The following THEM5 variants were observed in gnomAD, a reference collection of about 807,000 sequenced individuals.
THEM5 encodes thioesterase superfamily member 5, also known as acyl-coenzyme A thioesterase THEM5.
A neutral mutation model predicts 24.2 loss-of-function variants in THEM5; 28 were observed. The ratio of observed to expected loss-of-function variants is 1.16; its 90% confidence interval spans 0.86 to 1.59. The LOEUF is 1.59. THEM5 is among the 40% of genes most tolerant of loss of function. The pLI is 0.00. For missense variants in THEM5, 260 were observed against 296.8 expected (o/e 0.88, Z 0.91); for synonymous variants, 87 against 114.5 (o/e 0.76, Z 1.53).
At chr1:151,853,375 T>G in intron 1 of THEM5, 68 bp downstream of exon 1, 1 of 1,546,100 alleles carries the variant, frequency 6.5e-7, no homozygotes, top group Non-Finnish European at 8.7e-7. Context: ...GAAGAGGAGA[T>G]TTGGGGTGCT....
chr1:151,847,614 C>A, intron 5 of THEM5, 124 bp downstream of exon 5: 1 of 1,443,122 alleles, frequency 6.9e-7, no homozygotes, highest in East Asian at 2.3e-5. Flanking sequence ...GGTGCCCTAT[C>A]CCACCCCTAA....
intron 2 of THEM5, 106 bp from the exon 3 acceptor site, chr1:151,851,297 C>G: frequency 7.0e-7 from 1 of 1,428,276 alleles, no homozygotes; most frequent in East Asian, 2.3e-5. Context: ...GGAGAGAAAA[C>G]CAGAGGACAC....
chr1:151,849,824 A>G (rs546947330), intron 3 of THEM5, among the ~76,000 whole-genome samples: 1 of 151,182 alleles, frequency 6.6e-6, no homozygotes, highest in Middle Eastern at 3.4e-3. Flanking sequence ...CCTCCTTCCC[A>G]CTCCCCATGG....
Position 151,852,310 on chromosome 1 carries a change from G to A in THEM5, c.273C>T (p.Asn91=). The part of the protein sequence containing the change: ...GWIKLPSFKS[N]RDHIRGLKLP... ...GCTTGAGTCCCCGGATGTGGTCTCT[G>A]TTGGACTTGAAGGAGGGCAGCTTGA... The change falls in exon 2 of 6, where the codon AAC becomes AAT. Residue 91 remains asparagine (N), a synonymous_variant. Coordinates refer to ENST00000368817, the MANE Select transcript of THEM5 (RefSeq NM_182578.4). 6.2e-7 allele frequency: 1 copy of A among 1,614,158 alleles called. No individual in the cohort carries two copies. Among genetic ancestry groups the A allele is most frequent in the South Asian group, 1.1e-5 (1 of 91,076 alleles).
intron 1 of THEM5, among the ~76,000 whole-genome samples, chr1:151,852,891 G>A (rs893200281): frequency 4.6e-5 from 7 of 152,178 alleles, no homozygotes; most frequent in Admixed American, 2.0e-4. Context: ...TGCAGGGCAG[G>A]GTCACAGTTG....
At chr1:151,852,568 T>C (rs1190817893) in intron 1 of THEM5, 109 bp from the exon 2 acceptor site, 1 of 1,016,720 alleles carries the variant, frequency 9.8e-7, no homozygotes, top group South Asian at 1.4e-5. Context: ...CTCAATCCCT[T>C]CTGCCAGAGT....
intron 2 of THEM5, 27 bp from the exon 3 acceptor site, chr1:151,851,218 C>T (rs201026466): frequency 6.2e-7 from 1 of 1,613,820 alleles, no homozygotes; most frequent in South Asian, 1.1e-5. Flanking sequence ...AGTGTTGCAG[C>T]CGGAGAAGGG....
Position 151,852,289 on chromosome 1 carries a change from G to A in THEM5, c.294C>T (p.Leu98=), listed in dbSNP as rs1558181681. ...AAACTGCCAGTCCAGATGGGAGCTT[G>A]AGTCCCCGGATGTGGTCTCTGTTGG... ...FKSNRDHIRG[L]KLPSGLAVSS... Residue 98 remains leucine, a synonymous_variant, in exon 2 of 6, where the codon CTC becomes CTT. Transcript: ENST00000368817. 1 of 1,613,938 alleles carries A rather than the reference G, an allele frequency of 6.2e-7. No individual in the cohort carries two copies. Among genetic ancestry groups the A allele is most frequent in the Non-Finnish European group, 8.5e-7 (1 of 1,180,016 alleles).
chr1:151,852,494 C>A, intron 1 of THEM5, 35 bp from the exon 2 acceptor site: 1 of 1,609,200 alleles, frequency 6.2e-7, no homozygotes, highest in Non-Finnish European at 8.5e-7. Context: ...TAGACAGCAT[C>A]CTGGAGGGGG....
intron 1 of THEM5, among the ~76,000 whole-genome samples, 193 bp from the exon 2 acceptor site, chr1:151,852,652 T>A (rs1020764047): frequency 2.0e-5 from 3 of 151,762 alleles, no homozygotes; most frequent in African/African-American, 7.3e-5. Context: ...GGCATAAGGA[T>A]GCTAAAGAGC....
At chr1:151,848,385 A>ACCTTTC in intron 3 of THEM5, 93 bp from the exon 4 acceptor site, 3 of 993,876 alleles carry the variant, frequency 3.0e-6, no homozygotes, top group East Asian at 2.4e-5. Context: ...TGGTGATCCT[A>ACCTTTC]CCTTTCCCTT....
Position 151,852,381 on chromosome 1 carries a change from T to C in THEM5, c.202A>G (p.Ser68Gly). Reference sequence around the variant, plus strand: ...TTCTCCAGAAATTCTTGGTACAGGCTCAGCATGTCCGAACACCAGCTGGCA... The same window carrying C: ...TTCTCCAGAAATTCTTGGTACAGGCCCAGCATGTCCGAACACCAGCTGGCA... The part of the protein sequence containing the change: ...PNASWCSDML[S>G]LYQEFLEKTK... Residue 68 changes from serine to glycine, a missense_variant, in exon 2 of 6, where the codon AGC becomes GGC. By Grantham distance (56) the Ser-to-Gly change is moderately conservative. Coordinates refer to ENST00000368817, the MANE Select transcript of THEM5 (RefSeq NM_182578.4). The C allele has an allele frequency of 6.2e-7, 1 of 1,614,152 alleles. No homozygotes were observed. Among genetic ancestry groups the C allele is most frequent in the Admixed American group, 1.7e-5 (1 of 60,022 alleles).
rs1283865222 is a variant in THEM5, at chr1:151,851,270, CTCTGGTACAAGA to C, written c.326-91_326-80del. 8.2e-6 allele frequency: 13 copies of C among 1,580,676 alleles called. No individual in the cohort carries two copies. In the African/African-American group the frequency reaches 1.6e-4, roughly 20 times the overall value. Reference sequence around the variant, plus strand: ...GCAGCACCATTTGGTTGAGTCTTGCCTCTGGTACAAGATTAAGGAGAGAAAACCAGAGGACAC... The same window carrying C: ...GCAGCACCATTTGGTTGAGTCTTGCCTTAAGGAGAGAAAACCAGAGGACAC... On this transcript the variant is annotated intron_variant, in intron 2 of 5. Coordinates refer to ENST00000368817, the MANE Select transcript of THEM5 (RefSeq NM_182578.4).
Position 151,848,278 on chromosome 1 carries a change from C to G in THEM5, c.479G>C (p.Gly160Ala). The G allele has an allele frequency of 6.2e-7, 1 of 1,614,040 alleles. No homozygotes were observed. The highest frequency in any genetic ancestry group is 1.1e-5 in the South Asian group (1 of 91,064). The change falls in exon 4 of 6, where the codon GGG becomes GCG. Residue 160 changes from glycine to alanine, a missense_variant. Physicochemically the swap from Gly to Ala is moderately conservative, Grantham distance 60. Transcript: ENST00000368817. ...LEGPPGFAHGGSLAAMMDETF... is the reference protein window; with the variant it reads ...LEGPPGFAHGASLAAMMDETF... ...CTCGTCCATCATGGCTGCCAGGGAC[C>G]CGCCGTGAGCAAACCTGGGGGTGGG...
chr1:151,848,058 T>A, intron 4 of THEM5, 124 bp downstream of exon 4: 1 of 1,424,746 alleles, frequency 7.0e-7, no homozygotes, highest in Non-Finnish European at 9.7e-7. Flanking sequence ...GAGGAATTGC[T>A]TGGGAGTGGG....
intron 4 of THEM5, 40 bp from the exon 5 acceptor site, chr1:151,847,902 C>A (rs781597319): frequency 1.2e-6 from 2 of 1,611,824 alleles, no homozygotes; most frequent in African/African-American, 2.7e-5. Context: ...TCATGTGAAC[C>A]CGGTTCCCCA....
Position 151,852,200 on chromosome 1 carries a change from A to G in THEM5, c.325+58T>C. 9 of 1,546,058 alleles carry G rather than the reference A, an allele frequency of 5.8e-6. No homozygotes were observed. In the South Asian group the frequency reaches 7.8e-5, roughly 13 times the overall value. On this transcript the variant is annotated intron_variant, in intron 2 of 5. Coordinates refer to ENST00000368817, the MANE Select transcript of THEM5 (RefSeq NM_182578.4). ...AAGGCGGTCTGTGAAGTTGCTTCTC[A>G]GTCTTAGAACACAGGGAAGGGCGGC...
intron 3 of THEM5, among the ~76,000 whole-genome samples, chr1:151,849,705 T>C (rs1653053471): frequency 6.6e-6 from 1 of 152,158 alleles, no homozygotes; most frequent in African/African-American, 2.4e-5. Flanking sequence ...AAAGAGTTGG[T>C]GTCAAAGAAC....
Position 151,848,443 on chromosome 1 carries a change from T to G in THEM5, c.465-151A>C, listed in dbSNP as rs186209079. The G allele has an allele frequency of 8.1e-6, 5 of 614,140 alleles. No homozygotes were observed. The East Asian group carries it at 1.1e-4, about 14-fold the overall frequency. 38.0% of individuals were successfully genotyped at this position (614,140 alleles called of 1,614,324 possible). ...GACGTTCAGCCTCAGGGCAGCCAAA[T>G]AGGAAAGAAGGAAACAGCTGCATCC... On this transcript the variant is annotated intron_variant, in intron 3 of 5. Transcript: ENST00000368817.
Sources: gnomAD v4.1 joint callset for allele counts (sites outside exome capture counted in the v4.1 genomes callset) on GRCh38, gnomAD v4.1.1 for gene constraint, MANE v1.5 for transcripts, NCBI Gene and HGNC (gene_info 2026-07-23, HGNC 2026-07-21) for gene names.